Variants in SETD6 observed in about 807,000 individuals in gnomAD.
SETD6 encodes SET domain containing 6, protein lysine methyltransferase.
In SETD6, 67 loss-of-function variants were observed where a neutral mutation model predicts 52.7. The ratio of observed to expected loss-of-function variants is 1.27; its 90% CI spans 1.04 to 1.56. SETD6 has a LOEUF of 1.56. Among genes scored for constraint, SETD6 ranks in the 40% most tolerant of loss-of-function variants. The probability of loss-of-function intolerance (pLI) is 0.00; values close to 1 mark genes in which losing one functional copy is unlikely to be tolerated. For synonymous variants in SETD6, 307 were observed against 250.2 expected, an observed-to-expected ratio of 1.23 and a Z score of -2.14; for missense variants, 712 against 607.5, an observed-to-expected ratio of 1.17 and a Z score of -1.81.
In SETD6 at chr16:58,515,876, C is replaced by T. The variant is rs2039109151; in HGVS notation, c.113C>T (p.Pro38Leu). The change falls in exon 2 of 8, where the codon CCC becomes CTC. Residue 38 changes from proline (P) to leucine (L), a missense_variant. Coordinates refer to ENST00000219315, the MANE Select transcript of SETD6 (RefSeq NM_001160305.4). ...CGGCGGGTGGGGCTGGAGCTGAGTC[C>T]CAAGGTGAGCGAGCGAGCCGGCGGG... ...WCRRVGLELS[P>L]KVSERAGGRR... 2 of 1,521,568 alleles carry T rather than the reference C, an allele frequency of 1.3e-6. No individual in the cohort carries two copies. Among genetic ancestry groups the T allele is most frequent in the Admixed American group, 2.1e-5 (1 of 48,634 alleles). 94.3% of individuals were successfully genotyped at this position (1,521,568 alleles called of 1,614,324 possible). A position where few individuals can be genotyped will look rare whatever the true frequency, so the allele number is the denominator to read the frequency against.
chr16:58,521,405 T>G lies in SETD6; in HGVS notation c.*2376T>G. ...CATTACTTTTTTTCTAACTTCTCCC[T>G]GACTATTGAACCACATGCAAAAGTT... On this transcript the variant is annotated 3_prime_UTR_variant, in exon 8 of 8. Transcript: ENST00000219315. 7.3e-7 allele frequency: 1 copy of G among 1,373,602 alleles called. No individual in the cohort carries two copies. Among genetic ancestry groups the G allele is most frequent in the African/African-American group, 1.5e-5 (1 of 68,760 alleles). The allele number at this position is 1,373,602 out of a possible 1,614,324, so 85.1% of individuals were successfully genotyped here. A position where few individuals can be genotyped will look rare whatever the true frequency, so the allele number is the denominator to read the frequency against.
chr16:58,515,598 C>G lies in SETD6; in HGVS notation c.27+34C>G, dbSNP rs774142828. The G allele has an allele frequency of 3.9e-6, 6 of 1,520,532 alleles. No individual in the cohort carries two copies. The African/African-American group carries it at 7.1e-5, about 18-fold the overall frequency. 94.2% of individuals were successfully genotyped at this position (1,520,532 alleles called of 1,614,324 possible). On this transcript the variant is annotated intron_variant, in intron 1 of 7. Coordinates refer to ENST00000219315, the MANE Select transcript of SETD6 (RefSeq NM_001160305.4). ...CGGGCGCGGGGTCCAGCCTTTTCCT[C>G]CGCGCCTCACCCCTTCTCCGTTCGC...
At chr16:58,517,931 G>A in intron 5 of SETD6, 120 bp from the exon 6 acceptor site, 1 of 1,243,870 alleles carries the variant, frequency 8.0e-7, no homozygotes, top group East Asian at 2.5e-5. Flanking sequence ...TAGAACTTTG[G>A]TAGTTAACAG....
At position 58,521,000 on chromosome 16, in the gene SETD6, C is replaced by T. The variant is rs112325858; in HGVS notation, c.*1971C>T. 1.2e-5 allele frequency: 20 copies of T among 1,614,084 alleles called. No homozygotes were observed. The highest frequency in any genetic ancestry group is 1.2e-4 in the African/African-American group (9 of 75,052). ...CTTCCATTACTTGCTGGGCCTGCTT[C>T]TGTCCCATGCAGCACTGTGCGACCG... On this transcript the variant is annotated 3_prime_UTR_variant, in exon 8 of 8. Transcript: ENST00000219315.
rs1275436220 is a variant in SETD6, at chr16:58,516,461, T to TG, written c.477-16dup. On this transcript the variant is annotated splice_polypyrimidine_tract_variant and intron_variant, in intron 3 of 7. Coordinates refer to ENST00000219315, the MANE Select transcript of SETD6 (RefSeq NM_001160305.4). ...TGTGAAGGAATGAAGGGAACCTGGG[T>TG]GTGGGTGTCCCTGCAGGCCAGAGGA... 1 of 1,613,580 alleles carries TG rather than the reference T, an allele frequency of 6.2e-7. No individual in the cohort carries two copies. Among genetic ancestry groups the TG allele is most frequent in the East Asian group, 2.2e-5 (1 of 44,854 alleles).
At position 58,521,370 on chromosome 16, in the gene SETD6, A is replaced by G. The variant is rs1466803405; in HGVS notation, c.*2341A>G. The G allele has an allele frequency of 2.6e-6, 4 of 1,532,940 alleles. No homozygotes were observed. The highest frequency in any genetic ancestry group is 2.4e-5 in the South Asian group (2 of 82,108). The allele number at this position is 1,532,940 out of a possible 1,614,324, so 95.0% of individuals were successfully genotyped here. ...ATGTATAGAAGCATACAAATTCATG[A>G]TTATTCTTCCATTACTTTTTTTCTA... On this transcript the variant is annotated 3_prime_UTR_variant, in exon 8 of 8. Coordinates refer to ENST00000219315, the MANE Select transcript of SETD6 (RefSeq NM_001160305.4).
At position 58,516,346 on chromosome 16, in the gene SETD6, G is replaced by T. The variant is rs1347927746; in HGVS notation, c.476+3G>T. 2.5e-6 allele frequency: 4 copies of T among 1,610,000 alleles called. No homozygotes were observed. In the South Asian group the frequency reaches 4.4e-5, roughly 18 times the overall value. ...CGCTTGGAGCACCCGATGTTCTGGT[G>T]AGAGCCTTGGGAGGGGTTGGGGAGC... is the stretch of plus-strand genomic sequence containing the variant. On this transcript the variant is annotated splice_donor_region_variant and intron_variant, in intron 3 of 7. Coordinates refer to ENST00000219315, the MANE Select transcript of SETD6 (RefSeq NM_001160305.4).
Position 58,516,243 on chromosome 16 carries a change from C to CT in SETD6, c.377dup (p.Leu127AlafsTer49). 2 of 1,598,604 alleles carry CT rather than the reference C, an allele frequency of 1.3e-6. No homozygotes were observed. The highest frequency in any genetic ancestry group is 1.7e-6 in the Non-Finnish European group (2 of 1,179,474). ...GAGCCAGTCGGGCTGGGTGCCACTG[C>CT]TGCTGGCGCTGCTCCACGAGCTGCA... is the stretch of plus-strand genomic sequence containing the variant. On this transcript the variant is annotated frameshift_variant, in exon 3 of 8. Coordinates refer to ENST00000219315, the MANE Select transcript of SETD6 (RefSeq NM_001160305.4). LOFTEE classifies it high-confidence loss of function.
Position 58,519,291 on chromosome 16 carries a change from T to C in SETD6, c.*262T>C, listed in dbSNP as rs1390545407. The C allele has an allele frequency of 2.4e-6, 1 of 421,952 alleles. No homozygotes were observed. The highest frequency in any genetic ancestry group is 4.2e-6 in the Non-Finnish European group (1 of 235,342). 26.1% of individuals were successfully genotyped at this position (421,952 alleles called of 1,614,324 possible). The stretch of plus-strand genomic sequence containing the variant: ...TGTTCTCAGTTTTAACCAAAGCCAG[T>C]GGACATACGGTAGTAATAAGTAAGT... On this transcript the variant is annotated 3_prime_UTR_variant, in exon 8 of 8. Coordinates refer to ENST00000219315, the MANE Select transcript of SETD6 (RefSeq NM_001160305.4).
Position 58,520,963 on chromosome 16 carries a change from T to A in SETD6, c.*1934T>A. The A allele has an allele frequency of 6.2e-7, 1 of 1,613,622 alleles. No individual in the cohort carries two copies. The highest frequency in any genetic ancestry group is 8.5e-7 in the Non-Finnish European group (1 of 1,180,042). ...CAACAGAGATGCAGTTTCGTCTAAC[T>A]GGCACCTGTCCCTTCCATTACTTGC... is the stretch of plus-strand genomic sequence containing the variant. On this transcript the variant is annotated 3_prime_UTR_variant, in exon 8 of 8. Coordinates refer to ENST00000219315, the MANE Select transcript of SETD6 (RefSeq NM_001160305.4).
Position 58,521,720 on chromosome 16 carries a change from G to A in SETD6, c.*2691G>A, listed in dbSNP as rs1162789319. On this transcript the variant is annotated 3_prime_UTR_variant, in exon 8 of 8. Coordinates refer to ENST00000219315, the MANE Select transcript of SETD6 (RefSeq NM_001160305.4). ...GTAATCCAGCACTTTGGGAGGCCGA[G>A]GCAGGTGGATCACCTGAGGTCAGGA... 6.6e-6 allele frequency among the ~76,000 whole-genome samples: 1 copy of A among 152,142 alleles called. No homozygotes were observed. Among genetic ancestry groups the A allele is most frequent in the Non-Finnish European group, 1.5e-5 (1 of 68,030 alleles).
rs763911993 is a variant in SETD6 at position 58,516,529 on chromosome 16, C to A, written c.528C>A (p.Ala176=). 1 of 1,614,086 alleles carries A rather than the reference C, an allele frequency of 6.2e-7. No homozygotes were observed. Among genetic ancestry groups the A allele is most frequent in the Non-Finnish European group, 8.5e-7 (1 of 1,180,012 alleles). The change falls in exon 4 of 8, where the codon GCC becomes GCA. Residue 176 remains alanine, a synonymous_variant. Coordinates refer to ENST00000219315, the MANE Select transcript of SETD6 (RefSeq NM_001160305.4). ...TCCAGGGCACAGGCGTACCTGAGGC[C>A]GTGGAGAAGGATTTGGCCAACATCC... The part of the protein sequence containing the change: ...CLLQGTGVPE[A]VEKDLANIRS...
In SETD6 at chr16:58,521,209, A is replaced by G. The variant is rs766961618; in HGVS notation, c.*2180A>G. The G allele has an allele frequency of 3.7e-6, 6 of 1,613,996 alleles. No individual in the cohort carries two copies. Among genetic ancestry groups the G allele is most frequent in the African/African-American group, 1.3e-5 (1 of 74,920 alleles). The stretch of plus-strand genomic sequence containing the variant: ...TTTCGATTTCTGGGGCACAGTGTAC[A>G]AATTCATGGTTCCAGAACTTAAACG... On this transcript the variant is annotated 3_prime_UTR_variant, in exon 8 of 8. Coordinates refer to ENST00000219315, the MANE Select transcript of SETD6 (RefSeq NM_001160305.4).
Position 58,515,997 on chromosome 16 carries a change from G to T in SETD6, c.234G>T (p.Val78=). 1 of 1,542,664 alleles carries T rather than the reference G, an allele frequency of 6.5e-7. No individual in the cohort carries two copies. The highest frequency in any genetic ancestry group is 2.5e-5 in the East Asian group (1 of 39,242). Residue 78 remains valine, a synonymous_variant, in exon 2 of 8, where the codon GTG becomes GTT. Transcript: ENST00000219315. ...GCACGGTGGCCGGCTACGGCATGGT[G>T]GCCCGGGAGAGCGTGCAGGCCGGAG... ...RQGTVAGYGM[V]ARESVQAGEL...
At chr16:58,516,706 T>C (rs1214216273) in intron 4 of SETD6, 34 bp downstream of exon 4, 1 of 1,609,768 alleles carries the variant, frequency 6.2e-7, no homozygotes, top group South Asian at 1.1e-5. Flanking sequence ...ACGGAACCCT[T>C]TTCTTTACAA....
In SETD6 at chr16:58,516,019, G is replaced by A. The variant is rs1426980112; in HGVS notation, c.256G>A (p.Gly86Arg). 1.3e-5 allele frequency: 20 copies of A among 1,539,184 alleles called. No individual in the cohort carries two copies. The highest frequency in any genetic ancestry group is 1.7e-5 in the Non-Finnish European group (20 of 1,154,232). Residue 86 changes from glycine to arginine, a missense_variant, in exon 2 of 8, where the codon GGA becomes AGA. Gly to Arg is a moderately radical substitution (Grantham distance 125). Transcript: ENST00000219315. ...GGTGGCCCGGGAGAGCGTGCAGGCC[G>A]GAGAGCTGTTGTTCGTGGTGCCGCG... The part of the protein sequence containing the change: ...GMVARESVQA[G>R]ELLFVVPRAA...
At position 58,516,797 on chromosome 16, in the gene SETD6, G is replaced by A. The variant is rs1354088023; in HGVS notation, c.672-11G>A. Reference sequence around the variant, plus strand: ...CAAGACAGGGCCTTAGCCAGGTTCTGTCAATGGCAGCTTTCAGGAACCACT... The same window carrying A: ...CAAGACAGGGCCTTAGCCAGGTTCTATCAATGGCAGCTTTCAGGAACCACT... On this transcript the variant is annotated splice_polypyrimidine_tract_variant and intron_variant, in intron 4 of 7. Coordinates refer to ENST00000219315, the MANE Select transcript of SETD6 (RefSeq NM_001160305.4). The A allele has an allele frequency of 3.6e-5, 58 of 1,614,082 alleles. No individual in the cohort carries two copies. Among genetic ancestry groups the A allele is most frequent in the Non-Finnish European group, 4.8e-5 (57 of 1,180,046 alleles).
Position 58,516,747 on chromosome 16 carries a change from T to C in SETD6, c.672-61T>C, listed in dbSNP as rs185475896. On this transcript the variant is annotated intron_variant, in intron 4 of 7. Coordinates refer to ENST00000219315, the MANE Select transcript of SETD6 (RefSeq NM_001160305.4). ...TAGAGGGACAAAAGTGGAAAAACAG[T>C]GAAATCCACCCCCAGTCCCTCACCC... The C allele has an allele frequency of 1.1e-4, 170 of 1,610,166 alleles. No homozygotes were observed. The African/African-American group carries it at 1.5e-3, about 14-fold the overall frequency.
rs771051166 is a variant in SETD6 at position 58,516,517 on chromosome 16, C to G, written c.516C>G (p.Gly172=). ...EERRCLLQGT[G]VPEAVEKDLA... ...GCCGGTGCCTGCTCCAGGGCACAGG[C>G]GTACCTGAGGCCGTGGAGAAGGATT... The change falls in exon 4 of 8, where the codon GGC becomes GGG. Residue 172 remains glycine, a synonymous_variant. Transcript: ENST00000219315. The G allele has an allele frequency of 6.2e-7, 1 of 1,614,102 alleles. No homozygotes were observed. The highest frequency in any genetic ancestry group is 2.2e-5 in the East Asian group (1 of 44,866).
Sources: gnomAD v4.1 joint callset for allele counts (sites outside exome capture counted in the v4.1 genomes callset) on GRCh38, gnomAD v4.1.1 for gene constraint, MANE v1.5 for transcripts, NCBI Gene and HGNC (gene_info 2026-07-23, HGNC 2026-07-21) for gene names.